The following TMEM106C variants were observed in gnomAD, a reference collection of about 807,000 sequenced individuals.
The protein encoded by TMEM106C is transmembrane protein 106C.
A neutral mutation model predicts 30.8 loss-of-function variants in TMEM106C; 27 were observed. That is an observed-to-expected ratio of 0.88 (90% CI 0.65 to 1.21). The LOEUF (loss-of-function observed/expected upper bound fraction) is 1.21. Among genes scored for constraint, TMEM106C ranks in the 50% most tolerant of loss-of-function variants. The probability of loss-of-function intolerance (pLI) is 0.00; values close to 1 mark genes in which losing one functional copy is unlikely to be tolerated. For missense variants in TMEM106C, 288 were observed against 307.8 expected, an observed-to-expected ratio of 0.94 and a Z score of 0.48; for synonymous variants, 123 against 118.8, an observed-to-expected ratio of 1.04 and a Z score of -0.23.
intron 7 of TMEM106C, 85 bp downstream of exon 7, chr12:47,967,346 G>A (rs1938272086): frequency 7.0e-7 from 1 of 1,425,278 alleles, no homozygotes. Flanking sequence ...GTGACCACAG[G>A]GCAGAGGCAC....
chr12:47,965,251 T>G (rs754342244), intron 2 of TMEM106C, 31 bp from the exon 3 acceptor site: 16 of 1,602,496 alleles, frequency 1.0e-5, no homozygotes, highest in Non-Finnish European at 1.4e-5. Flanking sequence ...ACACATGGGA[T>G]TTACAAAATA....
Position 47,964,220 on chromosome 12 carries a change from A to G in TMEM106C, c.-17A>G, listed in dbSNP as rs763321676. On this transcript the variant is annotated 5_prime_UTR_variant, in exon 2 of 8. Coordinates refer to ENST00000429772, the MANE Select transcript of TMEM106C (RefSeq NM_001143842.2). ...TCTTTTCATCTTAGGACATGACACC[A>G]GTGGCATATCACGGCCATGGGGTCT... The G allele has an allele frequency of 1.4e-5, 22 of 1,610,020 alleles. No individual in the cohort carries two copies. The highest frequency in any genetic ancestry group is 5.9e-6 in the Non-Finnish European group (7 of 1,178,008).
In TMEM106C at chr12:47,968,504, CTGT is replaced by C; in HGVS notation, c.*277_*279del. 1 of 466,974 alleles carries C rather than the reference CTGT, an allele frequency of 2.1e-6. No homozygotes were observed. The highest frequency in any genetic ancestry group is 4.0e-6 in the Non-Finnish European group (1 of 247,820). 28.9% of individuals were successfully genotyped at this position (466,974 alleles called of 1,614,324 possible). A position where few individuals can be genotyped will look rare whatever the true frequency, so the allele number is the denominator to read the frequency against. On this transcript the variant is annotated 3_prime_UTR_variant, in exon 8 of 8. Transcript: ENST00000429772. ...CAGAATTTAATACAGATCTTTTCAG[CTGT>C]TCTTAGGGCATTATAAATGGAAATC...
At chr12:47,964,484 C>T (rs770952299) in intron 2 of TMEM106C, 61 bp downstream of exon 2, 7 of 1,552,588 alleles carry the variant, frequency 4.5e-6, no homozygotes, top group African/African-American at 1.4e-5. Flanking sequence ...GTTCTCCTGT[C>T]TGCCCAGACA....
At position 47,964,171 on chromosome 12, in the gene TMEM106C, C is replaced by G. The variant is rs985593094; in HGVS notation, c.-28-38C>G. On this transcript the variant is annotated intron_variant, in intron 1 of 7. Coordinates refer to ENST00000429772, the MANE Select transcript of TMEM106C (RefSeq NM_001143842.2). ...AACAAGCGATTTCTGTCGTGATTCA[C>G]TGGGGCCGCTAACGTGCACTCCCTC... is the stretch of plus-strand genomic sequence containing the variant. 5.2e-6 allele frequency: 8 copies of G among 1,534,480 alleles called. No individual in the cohort carries two copies. In the East Asian group the frequency reaches 1.9e-4, roughly 36 times the overall value.
At position 47,967,257 on chromosome 12, in the gene TMEM106C, A is replaced by T; in HGVS notation, c.652A>T (p.Met218Leu). ...CCTGGTGCACAACATAGTGATCTTC[A>T]TGCGGTGCGTCTCTCTTCCCTATCC... ...EILVHNIVIF[M>L]RTSVKISYIG... The change falls in exon 7 of 8, where the codon ATG becomes TTG. Residue 218 changes from methionine to leucine, a missense_variant. Transcript: ENST00000429772. The T allele has an allele frequency of 1.2e-6, 2 of 1,613,956 alleles. No homozygotes were observed. The highest frequency in any genetic ancestry group is 3.3e-5 in the Admixed American group (2 of 60,020).
rs772701706 is a variant in TMEM106C at position 47,968,333 on chromosome 12, G to A, written c.*104G>A. The stretch of plus-strand genomic sequence containing the variant: ...ACCCCCACGTGGTGTAAGCAGAGGA[G>A]GAATTGGTTCACTTAACTCCCAGCA... On this transcript the variant is annotated 3_prime_UTR_variant, in exon 8 of 8. Transcript: ENST00000429772. 24 of 894,488 alleles carry A rather than the reference G, an allele frequency of 2.7e-5. No individual in the cohort carries two copies. Among genetic ancestry groups the A allele is most frequent in the Non-Finnish European group, 3.8e-5 (21 of 545,942 alleles). 55.4% of individuals were successfully genotyped at this position (894,488 alleles called of 1,614,324 possible). A position where few individuals can be genotyped will look rare whatever the true frequency, so the allele number is the denominator to read the frequency against.
At chr12:47,966,778 G>A (rs1249616514) in intron 6 of TMEM106C, 46 bp downstream of exon 6, 2 of 1,605,532 alleles carry the variant, frequency 1.2e-6, no homozygotes, top group African/African-American at 1.3e-5. Flanking sequence ...TGGAGGAAAG[G>A]GATTCAAAGT....
chr12:47,965,381 T>A (rs1938189232), intron 3 of TMEM106C, 36 bp downstream of exon 3: 1 of 1,572,176 alleles, frequency 6.4e-7, no homozygotes, highest in Non-Finnish European at 8.7e-7. Flanking sequence ...AATACCTACT[T>A]CTGTCCCTAA....
Position 47,968,187 on chromosome 12 carries a change from A to C in TMEM106C, c.711A>C (p.Thr237=), listed in dbSNP as rs777815513. 1 of 1,614,142 alleles carries C rather than the reference A, an allele frequency of 6.2e-7. No homozygotes were observed. Among genetic ancestry groups the C allele is most frequent in the South Asian group, 1.1e-5 (1 of 91,084 alleles). The change falls in exon 8 of 8, where the codon ACA becomes ACC. Residue 237 remains threonine, a synonymous_variant. Coordinates refer to ENST00000429772, the MANE Select transcript of TMEM106C (RefSeq NM_001143842.2). ...TCATGACCCAGAGCTCCTTGGAGAC[A>C]CATCACTATGTGGATTGTGGAGGAA... is the stretch of plus-strand genomic sequence containing the variant. The part of the protein sequence containing the change: ...IGLMTQSSLE[T]HHYVDCGGNS...
chr12:47,964,192 C>G lies in TMEM106C; in HGVS notation c.-28-17C>G, dbSNP rs1295439657. 4 of 1,591,910 alleles carry G rather than the reference C, an allele frequency of 2.5e-6. No individual in the cohort carries two copies. Among genetic ancestry groups the G allele is most frequent in the African/African-American group, 1.3e-5 (1 of 74,504 alleles). ...TTCACTGGGGCCGCTAACGTGCACT[C>G]CCTCTTTTCATCTTAGGACATGACA... On this transcript the variant is annotated splice_polypyrimidine_tract_variant and intron_variant, in intron 1 of 7. Transcript: ENST00000429772.
chr12:47,967,289 C>T (rs1938269260), intron 7 of TMEM106C, 28 bp downstream of exon 7: 3 of 1,613,510 alleles, frequency 1.9e-6, no homozygotes, highest in African/African-American at 1.3e-5. Context: ...ATCCCGATGG[C>T]CTGTCCGGCC....
In TMEM106C at chr12:47,964,286, A is replaced by C. The variant is rs200250774; in HGVS notation, c.50A>C (p.Lys17Thr). The change falls in exon 2 of 8, where the codon AAG (lysine) becomes ACG (threonine). Residue 17 changes from lysine to threonine, a missense_variant. Physicochemically the swap from Lys to Thr is moderately conservative, Grantham distance 78. Coordinates refer to ENST00000429772, the MANE Select transcript of TMEM106C (RefSeq NM_001143842.2). ...AAARPSSCRRKQEDDRDGLLA... is the reference protein window; with the variant it reads ...AAARPSSCRRTQEDDRDGLLA... Reference sequence around the variant, plus strand: ...GCTCGCCCCTCCTCCTGCAGGCGAAAGCAAGAAGATGACAGGGACGGTTTG... The same window carrying C: ...GCTCGCCCCTCCTCCTGCAGGCGAACGCAAGAAGATGACAGGGACGGTTTG... 5.0e-5 allele frequency: 81 copies of C among 1,613,964 alleles called. No individual in the cohort carries two copies. The highest frequency in any genetic ancestry group is 3.3e-4 in the Middle Eastern group (2 of 6,084).
At chr12:47,968,000 C>T (rs1938297045) in intron 7 of TMEM106C, 133 bp from the exon 8 acceptor site, 1 of 632,408 alleles carries the variant, frequency 1.6e-6, no homozygotes, top group East Asian at 2.8e-5. Context: ...CTCCTGGTTA[C>T]ATAACCATGA....
At chr12:47,965,697 G>T in intron 3 of TMEM106C, 141 bp from the exon 4 acceptor site, 1 of 1,066,374 alleles carries the variant, frequency 9.4e-7, no homozygotes. Context: ...CTGCTTCACT[G>T]CTTCTTAACT....
intron 6 of TMEM106C, 95 bp from the exon 7 acceptor site, chr12:47,967,113 G>C (rs1188541965): frequency 7.7e-7 from 1 of 1,301,822 alleles, no homozygotes; most frequent in Admixed American, 1.7e-5. Flanking sequence ...GAAGGGGGAG[G>C]GGGGCACCCC....
intron 2 of TMEM106C, chr12:47,964,669 T>C: frequency 1.9e-6 from 1 of 521,656 alleles, no homozygotes; most frequent in Non-Finnish European, 3.5e-6. Context: ...GAACATTCAG[T>C]TCGCTCTGTG....
chr12:47,968,538 G>A lies in TMEM106C; in HGVS notation c.*309G>A, dbSNP rs966528979. 7 of 390,106 alleles carry A rather than the reference G, an allele frequency of 1.8e-5. No homozygotes were observed. Among genetic ancestry groups the A allele is most frequent in the Admixed American group, 6.9e-5 (2 of 28,992 alleles). 24.2% of individuals were successfully genotyped at this position (390,106 alleles called of 1,614,324 possible). A position where few individuals can be genotyped will look rare whatever the true frequency, so the allele number is the denominator to read the frequency against. ...GGGCATTATAAATGGAAATCATAAC[G>A]TGGTTCTAGGTTATCAAACCATGGA... On this transcript the variant is annotated 3_prime_UTR_variant, in exon 8 of 8. Coordinates refer to ENST00000429772, the MANE Select transcript of TMEM106C (RefSeq NM_001143842.2).
rs2136481486 is a variant in TMEM106C, at chr12:47,965,767, G to C, written c.252-71G>C. On this transcript the variant is annotated intron_variant, in intron 3 of 7. Transcript: ENST00000429772. ...CAGCTCCCTTCTCTTTCCTGGTTTT[G>C]TGTTTAATCTTGACACATTGAACCT... 5 of 1,559,890 alleles carry C rather than the reference G, an allele frequency of 3.2e-6. No homozygotes were observed. The South Asian group carries it at 5.9e-5, about 18-fold the overall frequency.
Sources: allele counts gnomAD v4.1 joint callset, GRCh38; gene constraint gnomAD v4.1.1; transcripts MANE v1.5; gene names NCBI Gene and HGNC (gene_info 2026-07-23, HGNC 2026-07-21).